The following GPIHBP1 variants were observed in gnomAD, a reference collection of about 807,000 sequenced individuals.
The protein encoded by GPIHBP1 is glycosylphosphatidylinositol anchored high density lipoprotein binding protein 1, also known as glycosylphosphatidylinositol-anchored high density lipoprotein-binding protein 1.
GPIHBP1 carries 11 observed loss-of-function variants against 13.0 expected under a neutral mutation model. The ratio of observed to expected loss-of-function variants is 0.84; its 90% CI spans 0.53 to 1.40. The LOEUF is 1.40. GPIHBP1 is among the 40% of genes most tolerant of loss of function. GPIHBP1 has a pLI of 0.00. For synonymous variants in GPIHBP1, 106 were observed against 102.2 expected (o/e 1.04, Z -0.22); for missense variants, 231 against 241.1 (o/e 0.96, Z 0.28).
intron 1 of GPIHBP1, 132 bp downstream of exon 1, chr8:143,213,451 G>C: frequency 1.3e-6 from 1 of 792,396 alleles, no homozygotes; most frequent in South Asian, 1.6e-5. Context: ...GCCCAGAGCA[G>C]CATGGATGGA....
Position 143,215,536 on chromosome 8 carries a change from C to A in GPIHBP1, c.*18C>A, listed in dbSNP as rs1443619430. ...GACCCTGACCCACGGCCCCTCCCCA[C>A]CCCCACCCGGCTCACCCCCGGCCCT... On this transcript the variant is annotated 3_prime_UTR_variant, in exon 4 of 4. Transcript: ENST00000622500. 2 of 1,540,226 alleles carry A rather than the reference C, an allele frequency of 1.3e-6. No individual in the cohort carries two copies. The highest frequency in any genetic ancestry group is 1.7e-6 in the Non-Finnish European group (2 of 1,144,340).
Position 143,214,983 on chromosome 8 carries a change from G to A in GPIHBP1, c.182-30G>A, listed in dbSNP as rs781490909. On this transcript the variant is annotated intron_variant, in intron 2 of 3. Coordinates refer to ENST00000622500, the MANE Select transcript of GPIHBP1 (RefSeq NM_178172.6). The surrounding 1 kb of genome is among the most constrained non-coding windows in gnomAD (Gnocchi z 4.1). ...CGTGGGAGGAGACCCTGGGGGGCCC[G>A]GCCTCGGCCTGAGCCCGCCTTGTCC... 54 of 1,474,784 alleles carry A rather than the reference G, an allele frequency of 3.7e-5. No individual in the cohort carries two copies. Among genetic ancestry groups the A allele is most frequent in the South Asian group, 8.4e-5 (7 of 82,964 alleles). The allele number at this position is 1,474,784 out of a possible 1,614,324, so 91.4% of individuals were successfully genotyped here.
chr8:143,213,618 GGT>G (rs1816254213), intron 1 of GPIHBP1, among the ~76,000 whole-genome samples: 1 of 70,898 alleles, frequency 1.4e-5, no homozygotes, highest in Non-Finnish European at 3.9e-5. Context: ...GGGTGAGTAG[GGT>G]AGTAGGACAG....
intron 1 of GPIHBP1, 108 bp from the exon 2 acceptor site, chr8:143,213,714 C>G: frequency 6.6e-7 from 1 of 1,515,090 alleles, no homozygotes. Flanking sequence ...ACCCTGGGGC[C>G]CGAGGATGGC....
Position 143,215,502 on chromosome 8 carries a change from G to A in GPIHBP1, c.539G>A (p.Gly180Glu), listed in dbSNP as rs1816293037. 1.9e-6 allele frequency: 3 copies of A among 1,604,542 alleles called. No individual in the cohort carries two copies. Among genetic ancestry groups the A allele is most frequent in the South Asian group, 1.1e-5 (1 of 90,220 alleles). ...CTCCTTGCCGGCCTTGGAGCAATGG[G>A]GGCCAGGAGACCCTGACCCACGGCC... ...LNLLAGLGAM[G>E]ARRP Residue 180 changes from glycine (G) to glutamate (E), a missense_variant, in exon 4 of 4, where the codon GGG (glycine) becomes GAG (glutamate). Coordinates refer to ENST00000622500, the MANE Select transcript of GPIHBP1 (RefSeq NM_178172.6).
In GPIHBP1 at chr8:143,215,271, T is replaced by C; in HGVS notation, c.308T>C (p.Leu103Pro). The C allele has an allele frequency of 6.2e-7, 1 of 1,612,984 alleles. No homozygotes were observed. The highest frequency in any genetic ancestry group is 8.5e-7 in the Non-Finnish European group (1 of 1,179,988). ...CTCCCCTTCCCAGAGTCAGGCCTCC[T>C]GACCACCCACTCCACGTGGTGCACA... The part of the protein sequence containing the change: ...IAHGNTESGL[L>P]TTHSTWCTDS... Residue 103 changes from leucine to proline, a missense_variant, in exon 4 of 4, where the codon CTG becomes CCG. Transcript: ENST00000622500.
intron 1 of GPIHBP1, 22 bp downstream of exon 1, chr8:143,213,341 T>C: frequency 6.3e-7 from 1 of 1,581,370 alleles, no homozygotes; most frequent in Non-Finnish European, 8.6e-7. Context: ...AGGGTAACCC[T>C]GCGGTGAGGG....
chr8:143,215,081 T>C lies in GPIHBP1; in HGVS notation c.250T>C (p.Ser84Pro). Reference sequence around the variant, plus strand: ...GCGCTGCAACCTGACGCAGAACTGCTCACATGGCCAGACCTGCACAACCCT... The same window carrying C: ...GCGCTGCAACCTGACGCAGAACTGCCCACATGGCCAGACCTGCACAACCCT... ...DERCNLTQNC[S>P]HGQTCTTLIA... Residue 84 changes from serine to proline, a missense_variant, in exon 3 of 4, where the codon TCA becomes CCA. By Grantham distance (74) the Ser-to-Pro change is moderately conservative. Transcript: ENST00000622500. 6.2e-7 allele frequency: 1 copy of C among 1,611,984 alleles called. No homozygotes were observed. Among genetic ancestry groups the C allele is most frequent in the Non-Finnish European group, 8.5e-7 (1 of 1,179,586 alleles).
In GPIHBP1 at chr8:143,216,894, C is replaced by G. The variant is rs1303626260; in HGVS notation, c.*1376C>G. ...CAGCGGGAGGCCTCCGCTAACTGTT[C>G]TCTTCTTTTCCTTATTAATAAAACA... On this transcript the variant is annotated 3_prime_UTR_variant, in exon 4 of 4. Coordinates refer to ENST00000622500, the MANE Select transcript of GPIHBP1 (RefSeq NM_178172.6). The G allele has an allele frequency of 6.6e-6, 1 of 152,234 alleles. No homozygotes were observed. The highest frequency in any genetic ancestry group is 1.5e-5 in the Non-Finnish European group (1 of 68,050). The allele number at this position is 152,234 out of a possible 1,614,324, so 9.4% of individuals were successfully genotyped here. A position where few individuals can be genotyped will look rare whatever the true frequency, so the allele number is the denominator to read the frequency against.
In GPIHBP1 at chr8:143,216,733, C is replaced by A. The variant is rs1230421552; in HGVS notation, c.*1215C>A. The A allele has an allele frequency of 6.6e-6, 1 of 152,284 alleles. No individual in the cohort carries two copies. The highest frequency in any genetic ancestry group is 6.5e-5 in the Admixed American group (1 of 15,280). The allele number at this position is 152,284 out of a possible 1,614,324, so 9.4% of individuals were successfully genotyped here. ...CCGAGCCTGGGCCACAGCTCAGCCA[C>A]TGACTTGGGTATCAGTTTCCCCTTC... On this transcript the variant is annotated 3_prime_UTR_variant, in exon 4 of 4. Coordinates refer to ENST00000622500, the MANE Select transcript of GPIHBP1 (RefSeq NM_178172.6).
At chr8:143,213,419 G>A in intron 1 of GPIHBP1, 100 bp downstream of exon 1, 1 of 1,050,332 alleles carries the variant, frequency 9.5e-7, no homozygotes. Flanking sequence ...GGAAGAAGGA[G>A]GGGATGAGGC....
rs1018037529 is a variant in GPIHBP1 at position 143,216,227 on chromosome 8, G to C, written c.*709G>C. ...CTTGGAAAGTGAACTTGCAGCCTTG[G>C]ATGGGGAAGGGCCAGATGCTGGGTG... is the stretch of plus-strand genomic sequence containing the variant. On this transcript the variant is annotated 3_prime_UTR_variant, in exon 4 of 4. Coordinates refer to ENST00000622500, the MANE Select transcript of GPIHBP1 (RefSeq NM_178172.6). The C allele has an allele frequency of 6.5e-6, 1 of 153,050 alleles. No individual in the cohort carries two copies. The highest frequency in any genetic ancestry group is 1.5e-5 in the Non-Finnish European group (1 of 68,790). 9.5% of individuals were successfully genotyped at this position (153,050 alleles called of 1,614,324 possible).
At position 143,215,738 on chromosome 8, in the gene GPIHBP1, C is replaced by T. The variant is rs1158062395; in HGVS notation, c.*220C>T. 6.7e-6 allele frequency: 4 copies of T among 593,978 alleles called. No homozygotes were observed. Among genetic ancestry groups the T allele is most frequent in the Non-Finnish European group, 1.2e-5 (4 of 333,984 alleles). 36.8% of individuals were successfully genotyped at this position (593,978 alleles called of 1,614,324 possible). On this transcript the variant is annotated 3_prime_UTR_variant, in exon 4 of 4. Transcript: ENST00000622500. ...ACCTGTGAGCAGCAAGACTGCCGCA[C>T]GTGGGCGCTGGGTCCAGACCTCGGC...
At position 143,216,787 on chromosome 8, in the gene GPIHBP1, C is replaced by T. The variant is rs1816319012; in HGVS notation, c.*1269C>T. 1 of 152,236 alleles carries T rather than the reference C, an allele frequency of 6.6e-6. No individual in the cohort carries two copies. The highest frequency in any genetic ancestry group is 1.5e-5 in the Non-Finnish European group (1 of 68,058). The allele number at this position is 152,236 out of a possible 1,614,324, so 9.4% of individuals were successfully genotyped here. ...GAAGTACAGAGTGAGACTTAAAGAA[C>T]CCCTAGATCCCCACCAGTTCAACAC... On this transcript the variant is annotated 3_prime_UTR_variant, in exon 4 of 4. Transcript: ENST00000622500.
At position 143,215,599 on chromosome 8, in the gene GPIHBP1, G is replaced by C; in HGVS notation, c.*81G>C. 3 of 1,204,578 alleles carry C rather than the reference G, an allele frequency of 2.5e-6. No homozygotes were observed. The South Asian group carries it at 4.4e-5, about 17-fold the overall frequency. The allele number at this position is 1,204,578 out of a possible 1,614,324, so 74.6% of individuals were successfully genotyped here. On this transcript the variant is annotated 3_prime_UTR_variant, in exon 4 of 4. Transcript: ENST00000622500. ...TCTGGTACCTTCCCCTCCTGCCCCTGCACCAGCTTTGGAGAATGGATTTGG... is the reference window on the plus strand; with the variant it reads ...TCTGGTACCTTCCCCTCCTGCCCCTCCACCAGCTTTGGAGAATGGATTTGG...
Position 143,213,286 on chromosome 8 carries a change from GT to G in GPIHBP1, c.20del (p.Val7AlafsTer73), listed in dbSNP as rs1816247569. Reference sequence around the variant, plus strand: ...CGGCGAGATGAAGGCGCTCGGGGCTGTCCTGCTTGCCCTCTTGCTGTTCGGG... The same window carrying G: ...CGGCGAGATGAAGGCGCTCGGGGCTGCCTGCTTGCCCTCTTGCTGTTCGGG... MKALGA[V>X]LLALLLFGRP... On this transcript the variant is annotated frameshift_variant, in exon 1 of 4. Transcript: ENST00000622500. LOFTEE classifies it high-confidence loss of function. 6.3e-7 allele frequency: 1 copy of G among 1,597,426 alleles called. No individual in the cohort carries two copies. The highest frequency in any genetic ancestry group is 2.3e-5 in the East Asian group (1 of 44,378).
rs776388699 is a variant in GPIHBP1, at chr8:143,215,098, C to A, written c.267C>A (p.Cys89Ter). ...AGAACTGCTCACATGGCCAGACCTG[C>A]ACAACCCTCATTGCCCACGGGAACA... is the stretch of plus-strand genomic sequence containing the variant. ...LTQNCSHGQT[C>*]TTLIAHGNTE... is the part of the protein sequence containing the mutation. Residue 89 changes from cysteine (C) to a stop codon, truncating the protein, a stop_gained, in exon 3 of 4, where the codon TGC (cysteine) becomes TGA (stop). Transcript: ENST00000622500. LOFTEE classifies it low-confidence loss of function (END_TRUNC). 14 of 1,612,586 alleles carry A rather than the reference C, an allele frequency of 8.7e-6. No individual in the cohort carries two copies. The highest frequency in any genetic ancestry group is 1.2e-5 in the Non-Finnish European group (14 of 1,179,794).
Position 143,214,922 on chromosome 8 carries a change from T to C in GPIHBP1, c.182-91T>C. 1 of 893,638 alleles carries C rather than the reference T, an allele frequency of 1.1e-6. No homozygotes were observed. Among genetic ancestry groups the C allele is most frequent in the Non-Finnish European group, 1.8e-6 (1 of 563,432 alleles). 55.4% of individuals were successfully genotyped at this position (893,638 alleles called of 1,614,324 possible). A position where few individuals can be genotyped will look rare whatever the true frequency, so the allele number is the denominator to read the frequency against. On this transcript the variant is annotated intron_variant, in intron 2 of 3. Coordinates refer to ENST00000622500, the MANE Select transcript of GPIHBP1 (RefSeq NM_178172.6). This position sits in a 1 kb window ranked among gnomAD's most constrained non-coding sequence, Gnocchi z 4.1. Reference sequence around the variant, plus strand: ...GCTGGAGGCTCACCAGGCTAGGCTTTGGGAGCACAGCTGAGAACGGGGAGG... The same window carrying C: ...GCTGGAGGCTCACCAGGCTAGGCTTCGGGAGCACAGCTGAGAACGGGGAGG...
chr8:143,215,573 G>C lies in GPIHBP1; in HGVS notation c.*55G>C, dbSNP rs571738995. The C allele has an allele frequency of 2.2e-6, 3 of 1,382,204 alleles. No individual in the cohort carries two copies. The highest frequency in any genetic ancestry group is 1.5e-5 in the African/African-American group (1 of 67,790). 85.6% of individuals were successfully genotyped at this position (1,382,204 alleles called of 1,614,324 possible). On this transcript the variant is annotated 3_prime_UTR_variant, in exon 4 of 4. Coordinates refer to ENST00000622500, the MANE Select transcript of GPIHBP1 (RefSeq NM_178172.6). ...TCACCCCCGGCCCTGCCAGCACTCT[G>C]TCTGGTACCTTCCCCTCCTGCCCCT...
Sources: allele counts gnomAD v4.1 joint callset (sites outside exome capture counted in the v4.1 genomes callset), GRCh38; gene constraint gnomAD v4.1.1; non-coding constraint Gnocchi (gnomAD v3.1); transcripts MANE v1.5; gene names NCBI Gene and HGNC (gene_info 2026-07-23, HGNC 2026-07-21).